SLC8A1: variants seen among roughly 807,000 people sequenced by gnomAD.
SLC8A1 encodes the protein sodium/calcium exchanger 1.
Under a neutral mutation model 68.3 loss-of-function variants are expected in SLC8A1, and 18 were observed. The ratio of observed to expected loss-of-function variants is 0.26; its 90% CI spans 0.18 to 0.39. The LOEUF (loss-of-function observed/expected upper bound fraction) is 0.39. SLC8A1 is among the 10% of genes least tolerant of loss of function. The probability of loss-of-function intolerance (pLI) is 1.00; values close to 1 mark genes in which losing one functional copy is unlikely to be tolerated. For missense variants in SLC8A1, 985 were observed against 1,156.7 expected, an observed-to-expected ratio of 0.85 and a Z score of 2.15; for synonymous variants, 475 against 415.5, an observed-to-expected ratio of 1.14 and a Z score of -1.74.
intron 2 of SLC8A1, among the ~76,000 whole-genome samples, chr2:40,315,272 T>G (rs974841157): frequency 1.3e-5 from 2 of 151,910 alleles, no homozygotes; most frequent in Non-Finnish European, 2.9e-5. Flanking sequence ...CTTTTCTAGT[T>G]CGTCAGTATG....
chr2:40,467,285 TGAGA>T (rs1208171970), intron 1 of SLC8A1, among the ~76,000 whole-genome samples: 1 of 152,134 alleles, frequency 6.6e-6, no homozygotes. Flanking sequence ...TGCATACAGC[TGAGA>T]GTGTGTTGGA....
At chr2:40,216,875 A>G (rs375188440) in intron 2 of SLC8A1, among the ~76,000 whole-genome samples, 3 of 152,086 alleles carry the variant, frequency 2.0e-5, no homozygotes, top group African/African-American at 7.2e-5. Flanking sequence ...TTTGTTTACA[A>G]TCTTTGTAGA....
intron 7 of SLC8A1, among the ~76,000 whole-genome samples, chr2:40,137,816 C>G (rs2040806982): frequency 6.6e-6 from 1 of 152,070 alleles, no homozygotes; most frequent in African/African-American, 2.4e-5. Context: ...AGAGAACCCT[C>G]TAGGTCTCCT....
intron 2 of SLC8A1, among the ~76,000 whole-genome samples, chr2:40,276,513 G>A (rs2066717620): frequency 6.6e-6 from 1 of 152,180 alleles, no homozygotes; most frequent in Admixed American, 6.5e-5. Flanking sequence ...AAAGTGCCCA[G>A]CTTATTCCTT....
intron 2 of SLC8A1, among the ~76,000 whole-genome samples, chr2:40,214,450 T>C (rs950728643): frequency 1.3e-5 from 2 of 151,048 alleles, no homozygotes; most frequent in East Asian, 3.9e-4. Context: ...TTTTTTTTTT[T>C]CCTCTTTTCT....
intron 2 of SLC8A1, among the ~76,000 whole-genome samples, chr2:40,234,225 C>T (rs2060062355): frequency 1.3e-5 from 2 of 151,916 alleles, no homozygotes; most frequent in Admixed American, 1.3e-4. Context: ...TTCTTCCTAC[C>T]CATGAGCATG....
intron 4 of SLC8A1, among the ~76,000 whole-genome samples, chr2:40,171,457 A>C (rs1175375599): frequency 6.6e-6 from 1 of 152,334 alleles, no homozygotes; most frequent in East Asian, 1.9e-4. Flanking sequence ...TACTTAATTT[A>C]TTAAATTATT....
intron 6 of SLC8A1, among the ~76,000 whole-genome samples, chr2:40,144,641 C>A (rs867752477): frequency 2.0e-5 from 3 of 151,520 alleles, no homozygotes; most frequent in East Asian, 1.9e-4. Flanking sequence ...TTTCTAGATA[C>A]GATTTTTGGG....
chr2:40,307,470 T>C (rs187358610), intron 2 of SLC8A1, among the ~76,000 whole-genome samples: 1 of 152,338 alleles, frequency 6.6e-6, no homozygotes, highest in Admixed American at 6.5e-5. Context: ...CGCAATGATG[T>C]GAATATACTT....
chr2:40,327,591 A>C (rs571644005), intron 2 of SLC8A1, among the ~76,000 whole-genome samples: 1 of 152,222 alleles, frequency 6.6e-6, no homozygotes, highest in East Asian at 1.9e-4. Context: ...ATAAAAAAAA[A>C]CATGTTCTTT....
intron 2 of SLC8A1, among the ~76,000 whole-genome samples, chr2:40,216,695 C>G (rs2148814374): frequency 6.6e-6 from 1 of 152,304 alleles, no homozygotes; most frequent in South Asian, 2.1e-4. Flanking sequence ...AATTGCCACT[C>G]TGAATGGCAT....
chr2:40,481,532 G>GTCTGATAACTGTTAGATCCTTCT (rs1704627144), intron 1 of SLC8A1, among the ~76,000 whole-genome samples: 1 of 152,156 alleles, frequency 6.6e-6, no homozygotes, highest in Non-Finnish European at 1.5e-5. Context: ...CTAGTAGGAT[G>GTCTGATAACTGTTAGATCCTTCT]TCTGATAACT....
intron 2 of SLC8A1, among the ~76,000 whole-genome samples, chr2:40,422,825 C>G (rs1478517066): frequency 6.6e-6 from 1 of 152,136 alleles, no homozygotes; most frequent in Non-Finnish European, 1.5e-5. Context: ...AGAACAAGCA[C>G]ATAACCTTTT....
chr2:40,335,610 A>G (rs1436360703), intron 2 of SLC8A1, among the ~76,000 whole-genome samples: 1 of 152,242 alleles, frequency 6.6e-6, no homozygotes, highest in African/African-American at 2.4e-5. Context: ...TAATACAAAA[A>G]TATCTATGCT....
chr2:40,165,139 G>A (rs1241955745), intron 4 of SLC8A1, 155 bp from the exon 8 acceptor site: 3 of 819,514 alleles, frequency 3.7e-6, no homozygotes, highest in Non-Finnish European at 5.9e-6. Context: ...GAGCCAGACA[G>A]ACACTTGGCA....
chr2:40,171,962 G>C (rs1277685532), intron 4 of SLC8A1, among the ~76,000 whole-genome samples: 1 of 152,174 alleles, frequency 6.6e-6, no homozygotes, highest in Non-Finnish European at 1.5e-5. Context: ...ATTGGTATTA[G>C]GCTGTGGATC....
At chr2:40,302,868 G>T (rs1399954652) in intron 2 of SLC8A1, among the ~76,000 whole-genome samples, 1 of 152,088 alleles carries the variant, frequency 6.6e-6, no homozygotes, top group African/African-American at 2.4e-5. Flanking sequence ...GTGAAGAAGT[G>T]TTCCCTTCCA....
rs182334378 is a variant in SLC8A1 at position 40,383,436 on chromosome 2, C to A, written c.1808+45037G>T. Among the ~76,000 whole-genome samples the A allele has an allele frequency of 2.6e-5, 4 of 152,100 alleles. No homozygotes were observed. In the East Asian group the frequency reaches 7.8e-4, roughly 30 times the overall value. Reference sequence around the variant, plus strand: ...CCAAAGACATTTGGTGACTGTCATTCGCTTCATATTTTGGTAGAGAGCATC... The same window carrying A: ...CCAAAGACATTTGGTGACTGTCATTAGCTTCATATTTTGGTAGAGAGCATC... On this transcript the variant is annotated intron_variant, in intron 2 of 7. Transcript: ENST00000406785.
At chr2:40,360,350 G>T (rs1210244203) in intron 2 of SLC8A1, among the ~76,000 whole-genome samples, 1 of 152,104 alleles carries the variant, frequency 6.6e-6, no homozygotes, top group African/African-American at 2.4e-5. Flanking sequence ...ATATTGGATA[G>T]CAAGTACATT....
Sources: allele counts gnomAD v4.1 joint callset (sites outside exome capture counted in the v4.1 genomes callset), GRCh38; gene constraint gnomAD v4.1.1; transcripts MANE v1.5; gene names NCBI Gene and HGNC (gene_info 2026-07-23, HGNC 2026-07-21).